The following DPP6 variants were observed in gnomAD, a reference collection of about 807,000 sequenced individuals.
DPP6 encodes the protein A-type potassium channel modulatory protein DPP6.
In DPP6, 69 loss-of-function variants were observed where a neutral mutation model predicts 122.6. The observed-to-expected ratio is 0.56, with a 90% CI of 0.46 to 0.69. The LOEUF is 0.69. Among genes scored for constraint, DPP6 ranks in the 30% least tolerant of loss-of-function variants. The pLI is 0.00. For missense variants in DPP6, 928 were observed against 1,116.9 expected (o/e 0.83, Z 2.41); for synonymous variants, 418 against 433.1 (o/e 0.97, Z 0.43).
intron 1 of DPP6, among the ~76,000 whole-genome samples, chr7:154,073,506 C>T (rs182394290): frequency 9.8e-5 from 15 of 152,370 alleles, no homozygotes; most frequent in East Asian, 1.9e-4. Flanking sequence ...ACTTAAGTGT[C>T]GGCCGTGCCC....
chr7:154,100,665 T>C (rs1805667354), intron 1 of DPP6, among the ~76,000 whole-genome samples: 1 of 87,916 alleles, frequency 1.1e-5, no homozygotes, highest in Admixed American at 1.2e-4. Flanking sequence ...GCTCCCCACG[T>C]CCCCTAGAAT....
intron 1 of DPP6, among the ~76,000 whole-genome samples, chr7:154,201,330 T>C (rs1799165118): frequency 6.6e-6 from 1 of 152,202 alleles, no homozygotes; most frequent in African/African-American, 2.4e-5. Context: ...GGTTTCACCA[T>C]GTTGGCCAAG....
intron 5 of DPP6, among the ~76,000 whole-genome samples, chr7:154,580,021 T>C (rs759830859): frequency 2.0e-5 from 3 of 151,938 alleles, no homozygotes; most frequent in Non-Finnish European, 4.4e-5. Flanking sequence ...TCTCCCAAAT[T>C]AGCAGCACCC....
At chr7:154,543,404 C>T (rs968256836) in intron 4 of DPP6, among the ~76,000 whole-genome samples, 1 of 152,166 alleles carries the variant, frequency 6.6e-6, no homozygotes, top group Admixed American at 6.5e-5. Context: ...CTGTTTGCCT[C>T]CAGCTTCTTC....
At chr7:154,553,234 C>A (rs1829763208) in intron 4 of DPP6, among the ~76,000 whole-genome samples, 1 of 152,200 alleles carries the variant, frequency 6.6e-6, no homozygotes, top group South Asian at 2.1e-4. Flanking sequence ...TAAGTTACAT[C>A]ACAGGAGTAG....
intron 3 of DPP6, among the ~76,000 whole-genome samples, chr7:154,537,816 G>C (rs1335386616): frequency 6.6e-6 from 1 of 151,978 alleles, no homozygotes; most frequent in African/African-American, 2.4e-5. Flanking sequence ...CAAAAGTCTT[G>C]TACATTTTTA....
chr7:154,795,140 C>T (rs1278792738), intron 11 of DPP6, among the ~76,000 whole-genome samples: 1 of 152,084 alleles, frequency 6.6e-6, no homozygotes, highest in African/African-American at 2.4e-5. Context: ...CTAAAAATGG[C>T]TTGTAATCTC....
chr7:153,965,886 A>G (rs1281928656), intron 1 of DPP6, among the ~76,000 whole-genome samples: 2 of 150,906 alleles, frequency 1.3e-5, no homozygotes, highest in Non-Finnish European at 3.0e-5. Flanking sequence ...GTACAAAAAA[A>G]GTTACCTGCT....
intron 5 of DPP6, among the ~76,000 whole-genome samples, chr7:154,603,042 A>T (rs1227716325): frequency 8.3e-6 from 1 of 119,958 alleles, no homozygotes; most frequent in Non-Finnish European, 1.9e-5. Flanking sequence ...TTCTTTCAGT[A>T]CTTAACTATA....
chr7:153,861,231 A>T, the DPP6 span, among the ~76,000 whole-genome samples: 290 of 152,336 alleles, frequency 1.9e-3, 2 homozygotes, highest in African/African-American at 6.5e-3. Context: ...CAAACCATAA[A>T]CATATTTATA....
chr7:154,112,354 A>G (rs768248753), intron 1 of DPP6, among the ~76,000 whole-genome samples: 3 of 152,080 alleles, frequency 2.0e-5, no homozygotes, highest in Non-Finnish European at 4.4e-5. Flanking sequence ...TCAACAATAG[A>G]TAAAAGGTGG....
intron 1 of DPP6, among the ~76,000 whole-genome samples, chr7:154,394,040 T>C (rs774612315): frequency 5.3e-5 from 8 of 152,230 alleles, no homozygotes; most frequent in Non-Finnish European, 8.8e-5. Context: ...TGCTCATCCA[T>C]TTATCAGTTG....
intron 1 of DPP6, among the ~76,000 whole-genome samples, chr7:154,192,014 CCTAAGG>C (rs1472302763): frequency 3.3e-5 from 5 of 152,130 alleles, no homozygotes; most frequent in Non-Finnish European, 5.9e-5. Context: ...AAACATTTAA[CCTAAGG>C]CTTTCAGGGG....
intron 5 of DPP6, among the ~76,000 whole-genome samples, chr7:154,592,043 G>A (rs1225559101): frequency 6.6e-6 from 1 of 152,204 alleles, no homozygotes; most frequent in African/African-American, 2.4e-5. Context: ...TAGTGGGGAT[G>A]GGCAGGGGCC....
At chr7:154,002,202 T>C (rs1376067750) in intron 1 of DPP6, among the ~76,000 whole-genome samples, 2 of 152,034 alleles carry the variant, frequency 1.3e-5, no homozygotes, top group African/African-American at 2.4e-5. Context: ...AGTGCAGGCT[T>C]TCAGTCTTTT....
rs957879056 is a variant in DPP6 at position 154,446,149 on chromosome 7, C to G, written c.244-65C>G. 5.0e-6 allele frequency: 5 copies of G among 992,284 alleles called. No homozygotes were observed. In the African/African-American group the frequency reaches 8.2e-5, roughly 16 times the overall value. The allele number at this position is 992,284 out of a possible 1,614,324, so 61.5% of individuals were successfully genotyped here. On this transcript the variant is annotated intron_variant, in intron 1 of 25. Transcript: ENST00000377770. ...GGTTCTTGATTTAAATGAAATATGT[C>G]TATTTGGCTTATTTTATTTCCTTAT...
intron 5 of DPP6, among the ~76,000 whole-genome samples, chr7:154,631,797 G>C (rs1835426329): frequency 6.6e-6 from 1 of 152,192 alleles, no homozygotes; most frequent in African/African-American, 2.4e-5. Context: ...AGAAGTAATA[G>C]GGGAGAATGA....
chr7:154,193,519 G>T (rs1798715340), intron 1 of DPP6, among the ~76,000 whole-genome samples: 1 of 152,156 alleles, frequency 6.6e-6, no homozygotes, highest in Admixed American at 6.5e-5. Context: ...GAATAAGCAG[G>T]TTGAATGGAG....
intron 20 of DPP6, 154 bp downstream of exon 20, chr7:154,876,254 A>G: frequency 7.9e-7 from 1 of 1,261,168 alleles, no homozygotes. Context: ...ATTCCAAAGA[A>G]GTTTCAAAGG....
Sources: gnomAD v4.1 joint callset for allele counts (sites outside exome capture counted in the v4.1 genomes callset) on GRCh38, gnomAD v4.1.1 for gene constraint, MANE v1.5 for transcripts, NCBI Gene and HGNC (gene_info 2026-07-23, HGNC 2026-07-21) for gene names.